GMDS: variants seen among roughly 807,000 people sequenced by gnomAD.
The protein encoded by GMDS is GDP-mannose 4,6 dehydratase.
In GMDS, 20 loss-of-function variants were observed where a neutral mutation model predicts 49.9. The ratio of observed to expected loss-of-function variants is 0.40; its 90% CI spans 0.28 to 0.58. The LOEUF (loss-of-function observed/expected upper bound fraction) is 0.58, where lower values mean the gene tolerates loss of function less well. GMDS is among the 20% of genes least tolerant of loss of function. GMDS has a pLI of 0.42. For synonymous variants in GMDS, 177 were observed against 178.6 expected, an observed-to-expected ratio of 0.99 and a Z score of 0.07; for missense variants, 362 against 481.4, an observed-to-expected ratio of 0.75 and a Z score of 2.32.
At position 1,678,590 on chromosome 6, in the gene GMDS, T is replaced by C. The variant is rs918487292; in HGVS notation, c.987+47826A>G. 1.3e-4 allele frequency among the ~76,000 whole-genome samples: 20 copies of C among 152,138 alleles called. 1 individual carries two copies. Among genetic ancestry groups the C allele is most frequent in the African/African-American group, 4.6e-4 (19 of 41,500 alleles). ...TTCAATGGACTTTTATTTTTTTTTT[T>C]CTCCTCAACTAAATGCAACTCAGAT... On this transcript the variant is annotated intron_variant, in intron 9 of 10. Transcript: ENST00000380815.
At chr6:1,957,551 T>A (rs1763709714) in intron 6 of GMDS, among the ~76,000 whole-genome samples, 2 of 152,314 alleles carry the variant, frequency 1.3e-5, no homozygotes, top group East Asian at 3.9e-4. Flanking sequence ...TCCAGGCATA[T>A]AATAAAACAA....
chr6:2,117,514 G>A lies in GMDS; in HGVS notation c.190C>T (p.Arg64Ter), dbSNP rs1173645768. The change falls in exon 3 of 11, where the codon CGA (arginine) becomes TGA (stop). Residue 64 changes from arginine (R) to a stop codon, truncating the protein, a stop_gained. Coordinates refer to ENST00000380815, the MANE Select transcript of GMDS (RefSeq NM_001500.4). LOFTEE classifies it high-confidence loss of function. ...GGATTCTTATACAGATGCTCAATTC[G>A]ACCCGTATTAAATGAACTGGACCGC... ...VRRSSSFNTG[R>*]IEHLYKNPQA... 3.7e-6 allele frequency: 6 copies of A among 1,609,312 alleles called. No individual in the cohort carries two copies. The highest frequency in any genetic ancestry group is 1.3e-5 in the African/African-American group (1 of 74,752).
At chr6:1,663,621 G>T (rs543816177) in intron 9 of GMDS, among the ~76,000 whole-genome samples, 163 of 152,216 alleles carry the variant, frequency 1.1e-3, no homozygotes, top group Admixed American at 7.7e-3. Flanking sequence ...ACTGCTTGTG[G>T]CTACTGCCCT....
chr6:2,025,998 T>G (rs192660247), intron 4 of GMDS, among the ~76,000 whole-genome samples: 1 of 152,344 alleles, frequency 6.6e-6, no homozygotes, highest in South Asian at 2.1e-4. Flanking sequence ...TTTTTTACAT[T>G]ACCAAATAAC....
chr6:2,023,472 C>G (rs1648837221), intron 4 of GMDS, among the ~76,000 whole-genome samples: 4 of 152,338 alleles, frequency 2.6e-5, no homozygotes, highest in Admixed American at 2.0e-4. Context: ...AAAGGTGAGA[C>G]CCCCTTCAGG....
chr6:2,181,038 C>T (rs1778497620), intron 1 of GMDS, among the ~76,000 whole-genome samples: 1 of 151,806 alleles, frequency 6.6e-6, no homozygotes, highest in Admixed American at 6.6e-5. Flanking sequence ...GTAGTGACTA[C>T]ACCTGGGTGC....
chr6:1,970,701 G>C (rs1764553176), intron 4 of GMDS, among the ~76,000 whole-genome samples: 1 of 152,142 alleles, frequency 6.6e-6, no homozygotes, highest in African/African-American at 2.4e-5. Flanking sequence ...TACAAAGTGT[G>C]GGGTGGGAGG....
intron 1 of GMDS, among the ~76,000 whole-genome samples, chr6:2,229,240 G>C (rs141360775): frequency 4.6e-5 from 7 of 151,996 alleles, no homozygotes; most frequent in Non-Finnish European, 5.9e-5. Context: ...ACTTTCTTTC[G>C]TCCTAGTACA....
chr6:2,070,651 T>C (rs1310103848), intron 4 of GMDS, among the ~76,000 whole-genome samples: 1 of 152,148 alleles, frequency 6.6e-6, no homozygotes, highest in East Asian at 1.9e-4. Flanking sequence ...TCTCAAAAGA[T>C]GGCTCTAAAT....
intron 1 of GMDS, among the ~76,000 whole-genome samples, chr6:2,239,034 A>G (rs1320801808): frequency 6.6e-6 from 1 of 152,210 alleles, no homozygotes; most frequent in African/African-American, 2.4e-5. Flanking sequence ...TCATTTAAAA[A>G]AAAAACTATC....
At chr6:1,953,587 G>GC (rs1241660016) in intron 6 of GMDS, among the ~76,000 whole-genome samples, 1 of 152,074 alleles carries the variant, frequency 6.6e-6, no homozygotes, top group Non-Finnish European at 1.5e-5. Context: ...CCAATGTTAA[G>GC]AATTAAGACA....
chr6:2,001,292 T>C (rs530196665), intron 4 of GMDS, among the ~76,000 whole-genome samples: 4 of 152,330 alleles, frequency 2.6e-5, no homozygotes, highest in Admixed American at 1.3e-4. Flanking sequence ...TAAATCTTTT[T>C]TGGAGAAATG....
chr6:1,662,920 T>C (rs973535579), intron 9 of GMDS, among the ~76,000 whole-genome samples: 3 of 152,234 alleles, frequency 2.0e-5, no homozygotes, highest in Non-Finnish European at 2.9e-5. Flanking sequence ...ACTTCCATAG[T>C]GCATGAATCC....
rs369407887 is a variant in GMDS at position 1,784,333 on chromosome 6, A to G, written c.772-41747T>C. Among the ~76,000 whole-genome samples the G allele has an allele frequency of 6.7e-3, 950 of 142,720 alleles. 13 individuals are homozygous for G. The highest frequency in any genetic ancestry group is 0.023 in the African/African-American group (888 of 38,718). The allele number at this position is 142,720 out of a possible 152,430, so 93.6% of individuals were successfully genotyped here. A position where few individuals can be genotyped will look rare whatever the true frequency, so the allele number is the denominator to read the frequency against. On this transcript the variant is annotated intron_variant, in intron 7 of 10. Transcript: ENST00000380815. ...CTTGAACCTGGGAGGTGGAGGTGGC[A>G]GTGAGCCAAGATCACGCCACTGCAC...
chr6:1,885,735 G>A (rs767603251), intron 7 of GMDS, among the ~76,000 whole-genome samples: 45 of 152,180 alleles, frequency 3.0e-4, no homozygotes, highest in Admixed American at 5.2e-4. Context: ...ACGGGACATC[G>A]CTCCTCCTCT....
At chr6:2,078,861 T>A (rs1772499827) in intron 4 of GMDS, among the ~76,000 whole-genome samples, 1 of 151,986 alleles carries the variant, frequency 6.6e-6, no homozygotes, top group Non-Finnish European at 1.5e-5. Flanking sequence ...GAGAATGGGG[T>A]TGGAGTTCCC....
intron 7 of GMDS, among the ~76,000 whole-genome samples, chr6:1,830,031 A>T (rs891907851): frequency 3.3e-5 from 5 of 152,208 alleles, no homozygotes; most frequent in African/African-American, 9.7e-5. Flanking sequence ...CTCTTCTTCT[A>T]GACTGCCGCT....
chr6:1,696,100 T>C (rs73403791), intron 9 of GMDS, among the ~76,000 whole-genome samples: 31 of 152,060 alleles, frequency 2.0e-4, no homozygotes, highest in Non-Finnish European at 3.7e-4. Context: ...AACAAAAACA[T>C]GCAGGAGAGG....
At chr6:1,645,254 T>G (rs1399874178) in intron 9 of GMDS, among the ~76,000 whole-genome samples, 1 of 152,130 alleles carries the variant, frequency 6.6e-6, no homozygotes, top group Middle Eastern at 3.2e-3. Context: ...TTATACCCTG[T>G]CATCCAGCAC....
Sources: gnomAD v4.1 joint callset for allele counts (sites outside exome capture counted in the v4.1 genomes callset) on GRCh38, gnomAD v4.1.1 for gene constraint, MANE v1.5 for transcripts, NCBI Gene and HGNC (gene_info 2026-07-23, HGNC 2026-07-21) for gene names.